PARP6: variants seen among roughly 807,000 people sequenced by gnomAD.
PARP6 encodes poly(ADP-ribose) polymerase family member 6, also known as protein mono-ADP-ribosyltransferase PARP6.
PARP6 carries 27 observed loss-of-function variants against 92.0 expected under a neutral mutation model. That is an observed-to-expected ratio of 0.29 (90% CI 0.22 to 0.40). The LOEUF (loss-of-function observed/expected upper bound fraction) is 0.40. Among genes scored for constraint, PARP6 ranks in the 10% least tolerant of loss-of-function variants. PARP6 has a pLI of 1.00. For missense variants in PARP6, 501 were observed against 784.5 expected, an observed-to-expected ratio of 0.64 and a Z score of 4.32; for synonymous variants, 272 against 281.2, an observed-to-expected ratio of 0.97 and a Z score of 0.33.
At chr15:72,265,832 C>G (rs927777829) in intron 5 of PARP6, 65 bp downstream of exon 5, 6 of 1,080,580 alleles carry the variant, frequency 5.6e-6, no homozygotes, top group African/African-American at 1.5e-5. Flanking sequence ...AGAAAAACCT[C>G]TAGCCTTTTA....
In PARP6 at chr15:72,267,656, G is replaced by GT. The variant is rs149246473; in HGVS notation, c.-180dup. 4,509 of 643,768 alleles carry GT rather than the reference G, an allele frequency of 7.0e-3. 161 individuals carry two copies. In the African/African-American group the frequency reaches 0.072, roughly 10 times the overall value. 39.9% of individuals were successfully genotyped at this position (643,768 alleles called of 1,614,324 possible). On this transcript the variant is annotated 5_prime_UTR_variant, in exon 3 of 24. Coordinates refer to ENST00000569795, the MANE Select transcript of PARP6 (RefSeq NM_001323532.2). Reference sequence around the variant, plus strand: ...GATGGCAGGCTCTGCTGTTGCGGTGGTAACAAGTCACTGTCCTGTGGAAAG... The same window carrying GT: ...GATGGCAGGCTCTGCTGTTGCGGTGGTTAACAAGTCACTGTCCTGTGGAAAG...
At chr15:72,266,105 A>C in intron 4 of PARP6, 114 bp from the exon 5 acceptor site, 1 of 770,866 alleles carries the variant, frequency 1.3e-6, no homozygotes, top group Non-Finnish European at 2.2e-6. Context: ...AGACAGCAGT[A>C]TAGGGGAAGT....
chr15:72,249,402 T>A, intron 19 of PARP6, 88 bp from the exon 20 acceptor site: 6 of 691,372 alleles, frequency 8.7e-6, no homozygotes. Flanking sequence ...TCCAGCCCTC[T>A]GTCCCTCCTT....
chr15:72,248,140 T>G (rs2083864813), intron 20 of PARP6, among the ~76,000 whole-genome samples: 1 of 152,216 alleles, frequency 6.6e-6, no homozygotes, highest in Non-Finnish European at 1.5e-5. Context: ...TATTTAATTG[T>G]GTCCTTTTTC....
intron 3 of PARP6, chr15:72,267,156 T>A: frequency 1.9e-6 from 1 of 526,376 alleles, no homozygotes; most frequent in Non-Finnish European, 3.4e-6. Flanking sequence ...CTCCTAAGCA[T>A]ATCTGGGTTC....
chr15:72,249,529 T>C (rs1205181327), intron 19 of PARP6, among the ~76,000 whole-genome samples: 2 of 152,094 alleles, frequency 1.3e-5, no homozygotes, highest in African/African-American at 4.8e-5. Flanking sequence ...CATTCGAGAG[T>C]GGGAAATGGT....
chr15:72,260,261 G>A (rs1597087119), intron 10 of PARP6, among the ~76,000 whole-genome samples: 1 of 152,186 alleles, frequency 6.6e-6, no homozygotes, highest in South Asian at 2.1e-4. Context: ...CAACTGCAAT[G>A]AGCAGAGATC....
At chr15:72,266,378 T>C (rs188446149) in intron 4 of PARP6, among the ~76,000 whole-genome samples, 2 of 152,328 alleles carry the variant, frequency 1.3e-5, no homozygotes, top group Admixed American at 1.3e-4. Context: ...TGGGTACTTC[T>C]GCTCAGGACT....
chr15:72,261,017 TAGAG>T (rs1238608474), intron 9 of PARP6, among the ~76,000 whole-genome samples: 2 of 151,464 alleles, frequency 1.3e-5, no homozygotes, highest in South Asian at 2.1e-4. Flanking sequence ...GAAAAAAAAA[TAGAG>T]AGAGAGATTG....
chr15:72,250,790 C>G, intron 18 of PARP6, 55 bp downstream of exon 18: 2 of 883,660 alleles, frequency 2.3e-6, no homozygotes, highest in African/African-American at 1.6e-5. Context: ...GGGCATCCTT[C>G]TTGCTCATCC....
At chr15:72,261,728 A>G in intron 8 of PARP6, 21 bp from the exon 9 acceptor site, 4 of 1,612,538 alleles carry the variant, frequency 2.5e-6, no homozygotes, top group Non-Finnish European at 3.4e-6. Flanking sequence ...AAAAAGAATG[A>G]GCTTAGGCAA....
chr15:72,264,970 G>A, intron 7 of PARP6, 111 bp downstream of exon 7: 1 of 706,194 alleles, frequency 1.4e-6, no homozygotes, highest in Non-Finnish European at 2.5e-6. Flanking sequence ...CCAATAGCCT[G>A]CAGATTGAGC....
chr15:72,254,429 G>A (rs1183972584), intron 15 of PARP6, 26 bp downstream of exon 15: 2 of 1,556,366 alleles, frequency 1.3e-6, no homozygotes, highest in East Asian at 4.5e-5. Flanking sequence ...AGGCAAAGGA[G>A]AGGGGACAGA....
In PARP6 at chr15:72,261,580, T is replaced by C; in HGVS notation, c.523A>G (p.Ser175Gly). Residue 175 changes from serine to glycine, a missense_variant, in exon 9 of 24, where the codon AGC becomes GGC. Physicochemically the swap from Ser to Gly is moderately conservative, Grantham distance 56 (BLOSUM62 0). This residue lies in a region of PARP6 where 291 missense variants were observed against 352.0 expected (regional missense o/e 0.83). Coordinates refer to ENST00000569795, the MANE Select transcript of PARP6 (RefSeq NM_001323532.2). ...TACTTGGGGATGGGTGAAAAGATGCTGAGGCCAGCTCGGAACTTCTTGATG... is the reference window on the plus strand; with the variant it reads ...TACTTGGGGATGGGTGAAAAGATGCCGAGGCCAGCTCGGAACTTCTTGATG... Reference protein sequence around the residue: ...GTIKKFRAGLSIFSPIPKSPS... With the variant: ...GTIKKFRAGLGIFSPIPKSPS... 1 of 1,614,156 alleles carries C rather than the reference T, an allele frequency of 6.2e-7. No homozygotes were observed. The highest frequency in any genetic ancestry group is 1.6e-4 in the Middle Eastern group (1 of 6,062).
intron 11 of PARP6, 72 bp downstream of exon 11, chr15:72,259,535 TG>T: frequency 8.7e-7 from 1 of 1,152,090 alleles, no homozygotes; most frequent in Non-Finnish European, 1.3e-6. Context: ...ATTGAGGAGC[TG>T]GGAGGTGTTA....
In PARP6 at chr15:72,241,238, G is replaced by A. The variant is rs1004105620; in HGVS notation, c.*217C>T. 1.0e-5 allele frequency: 7 copies of A among 672,774 alleles called. No homozygotes were observed. Among genetic ancestry groups the A allele is most frequent in the Admixed American group, 4.1e-5 (2 of 49,020 alleles). 41.7% of individuals were successfully genotyped at this position (672,774 alleles called of 1,614,324 possible). On this transcript the variant is annotated 3_prime_UTR_variant, in exon 24 of 24. Transcript: ENST00000569795. This position sits in a 1 kb window ranked among gnomAD's most constrained non-coding sequence, Gnocchi z 4.1. The stretch of plus-strand genomic sequence containing the variant: ...TATTTACAAACAGGGTGAAGTCAAA[G>A]GGAAAGTCAGGGGATGGAGTCAGTC...
Position 72,250,089 on chromosome 15 carries a change from C to T in PARP6, c.1422G>A (p.Gly474=), listed in dbSNP as rs770529638. 1 of 1,605,182 alleles carries T rather than the reference C, an allele frequency of 6.2e-7. No individual in the cohort carries two copies. The highest frequency in any genetic ancestry group is 8.5e-7 in the Non-Finnish European group (1 of 1,171,856). ...KLYGSTFAFH[G]SHIENWHSIL... is the part of the protein sequence containing the mutation. ...TCGAATGCCAGTTCTCAATGTGGGACCCACTGTAAGGCAGGGTAGAATACA... is the reference window on the plus strand; with the variant it reads ...TCGAATGCCAGTTCTCAATGTGGGATCCACTGTAAGGCAGGGTAGAATACA... The change falls in exon 19 of 24, where the codon GGG becomes GGA. Residue 474 remains glycine (G), a synonymous_variant. Coordinates refer to ENST00000569795, the MANE Select transcript of PARP6 (RefSeq NM_001323532.2).
chr15:72,262,698 A>G (rs975310252), intron 8 of PARP6, among the ~76,000 whole-genome samples: 2 of 152,138 alleles, frequency 1.3e-5, no homozygotes, highest in East Asian at 3.9e-4. Flanking sequence ...AATCCGATGG[A>G]AACTCCCAGG....
rs1182348617 is a variant in PARP6 at position 72,257,425 on chromosome 15, G to A, written c.922C>T (p.Arg308Cys). Residue 308 changes from arginine to cysteine, a missense_variant, in exon 13 of 24, where the codon CGT becomes TGT. This residue lies in a region of PARP6 where 191 missense variants were observed against 399.1 expected (regional missense o/e 0.48). Coordinates refer to ENST00000569795, the MANE Select transcript of PARP6 (RefSeq NM_001323532.2). The part of the protein sequence containing the change: ...GSMLKPAVCT[R>C]ELCVFSFYTL... Reference sequence around the variant, plus strand: ...TAGAAGGAGAAAACGCATAGTTCACGAGTACAGACAGCTGGCTGAAAGGAT... The same window carrying A: ...TAGAAGGAGAAAACGCATAGTTCACAAGTACAGACAGCTGGCTGAAAGGAT... The A allele has an allele frequency of 1.9e-6, 3 of 1,613,774 alleles. No homozygotes were observed. Among genetic ancestry groups the A allele is most frequent in the Non-Finnish European group, 2.5e-6 (3 of 1,179,742 alleles).
Sources: gnomAD v4.1 joint callset for allele counts (sites outside exome capture counted in the v4.1 genomes callset) on GRCh38, gnomAD v4.1.1 for gene constraint, gnomAD v4.1.1 regional missense constraint, Gnocchi (gnomAD v3.1) non-coding constraint, MANE v1.5 for transcripts, NCBI Gene and HGNC (gene_info 2026-07-23, HGNC 2026-07-21) for gene names.